MICAL2: variants seen among roughly 807,000 people sequenced by gnomAD.
MICAL2 encodes the protein microtubule associated monooxygenase, calponin and LIM domain containing 2, also known as [F-actin]-monooxygenase MICAL2.
MICAL2 carries 77 observed loss-of-function variants against 127.3 expected under a neutral mutation model. The ratio of observed to expected loss-of-function variants is 0.60; its 90% CI spans 0.50 to 0.73. The LOEUF is 0.73. Ranked by LOEUF, MICAL2 falls within the 30% of genes least tolerant of loss-of-function variation. The pLI is 0.00. For synonymous variants in MICAL2, 570 were observed against 551.1 expected (o/e 1.03, Z -0.48); for missense variants, 1,351 against 1,434.4 (o/e 0.94, Z 0.94).
rs139923322 is a variant in MICAL2 at position 12,257,144 on chromosome 11, G to T, written c.3142+173G>T. On this transcript the variant is annotated intron_variant, in intron 24 of 27. Transcript: ENST00000683283. Reference sequence around the variant, plus strand: ...CTGGGAGCTCCTGCTAGAAGGGGAGGCTGCCTGTGGTCCCAGGGAAGGGGT... The same window carrying T: ...CTGGGAGCTCCTGCTAGAAGGGGAGTCTGCCTGTGGTCCCAGGGAAGGGGT... 1.2e-4 allele frequency: 81 copies of T among 687,308 alleles called. No individual in the cohort carries two copies. In the African/African-American group the frequency reaches 1.3e-3, roughly 11 times the overall value. The allele number at this position is 687,308 out of a possible 1,614,324, so 42.6% of individuals were successfully genotyped here. A position where few individuals can be genotyped will look rare whatever the true frequency, so the allele number is the denominator to read the frequency against.
chr11:12,170,588 C>T (rs1193067503), intron 3 of MICAL2, among the ~76,000 whole-genome samples: 2 of 152,208 alleles, frequency 1.3e-5, no homozygotes, highest in African/African-American at 4.8e-5. Flanking sequence ...CTTTAGGGCC[C>T]TGGCCCATGG....
At chr11:12,254,809 A>G (rs1320425541) in intron 22 of MICAL2, 1 of 146,354 alleles carries the variant, frequency 6.8e-6, no homozygotes, top group Non-Finnish European at 1.5e-5. Context: ...TAACAGTCCC[A>G]TGGCCCACCC....
At chr11:12,334,262 A>G (rs1938704399) in intron 32 of MICAL2, among the ~76,000 whole-genome samples, 1 of 152,130 alleles carries the variant, frequency 6.6e-6, no homozygotes, top group Admixed American at 6.5e-5. Flanking sequence ...CGTATAACCT[A>G]TGCACGTCCT....
intron 5 of MICAL2, 102 bp from the exon 6 acceptor site, chr11:12,209,395 A>T: frequency 3.3e-6 from 3 of 907,302 alleles, no homozygotes; most frequent in Non-Finnish European, 5.5e-6. Flanking sequence ...TGATACACAG[A>T]CCTGGCTGCA....
intron 2 of MICAL2, among the ~76,000 whole-genome samples, chr11:12,148,723 T>A (rs985425911): frequency 1.3e-5 from 2 of 152,140 alleles, no homozygotes; most frequent in African/African-American, 4.8e-5. Context: ...GAACGCACAG[T>A]CAGGTGAGGT....
chr11:12,176,515 C>A (rs1856858523), intron 3 of MICAL2, among the ~76,000 whole-genome samples: 1 of 152,138 alleles, frequency 6.6e-6, no homozygotes, highest in South Asian at 2.1e-4. Flanking sequence ...ACCATTTTAA[C>A]CATCTTTAAG....
chr11:12,130,827 G>C (rs949290271), intron 1 of MICAL2, among the ~76,000 whole-genome samples: 1 of 152,204 alleles, frequency 6.6e-6, no homozygotes, highest in African/African-American at 2.4e-5. Flanking sequence ...CTGCAGAGCA[G>C]CACAGACTGG....
At chr11:12,121,902 A>G (rs1006697923) in intron 1 of MICAL2, among the ~76,000 whole-genome samples, 4 of 152,194 alleles carry the variant, frequency 2.6e-5, no homozygotes, top group African/African-American at 9.7e-5. Flanking sequence ...GTTTAGTGCT[A>G]TTGATGGGAG....
At chr11:12,162,623 A>C (rs553798389) in intron 3 of MICAL2, among the ~76,000 whole-genome samples, 1 of 152,290 alleles carries the variant, frequency 6.6e-6, no homozygotes, top group Admixed American at 6.5e-5. Context: ...TGCCCTCTCC[A>C]AGGGAGGGAA....
intron 16 of MICAL2, 118 bp from the exon 17 acceptor site, chr11:12,239,311 CTTCCTCA>C: frequency 7.4e-7 from 1 of 1,346,044 alleles, no homozygotes; most frequent in Non-Finnish European, 1.1e-6. Flanking sequence ...CTCTGCCTCC[CTTCCTCA>C]GACCATGGAG....
At chr11:12,286,357 T>C (rs1249702826) in intron 2 of MICAL2, among the ~76,000 whole-genome samples, 1 of 152,212 alleles carries the variant, frequency 6.6e-6, no homozygotes, top group African/African-American at 2.4e-5. Flanking sequence ...ATGTATTACA[T>C]ATATGGAACA....
chr11:12,207,842 C>T (rs1216430947), intron 4 of MICAL2, 181 bp from the exon 5 acceptor site: 8 of 580,086 alleles, frequency 1.4e-5, no homozygotes, highest in Non-Finnish European at 2.5e-5. Context: ...TCCAAAGGGC[C>T]ACTGTAAGAG....
downstream of MICAL2, chr11:12,294,332 A>G: frequency 6.2e-7 from 1 of 1,614,214 alleles, no homozygotes; most frequent in East Asian, 2.2e-5. Flanking sequence ...GCAAGAATCC[A>G]AAACTTTGCC....
chr11:12,191,446 C>T (rs1477534400), intron 3 of MICAL2, among the ~76,000 whole-genome samples: 8 of 141,922 alleles, frequency 5.6e-5, no homozygotes, highest in Non-Finnish European at 1.1e-4. Context: ...CACTCCAGCC[C>T]GGGCAGCAGA....
intron 22 of MICAL2, chr11:12,254,367 A>T (rs1375186468): frequency 6.6e-6 from 1 of 152,290 alleles, no homozygotes; most frequent in African/African-American, 2.4e-5. Flanking sequence ...GCCAAGTCTC[A>T]GCACTGGCCC....
Position 12,324,950 on chromosome 11 carries a change from A to G in MICAL2, c.5421+880A>G, listed in dbSNP as rs546209507. 1.8e-4 allele frequency among the ~76,000 whole-genome samples: 28 copies of G among 152,300 alleles called. No individual in the cohort carries two copies. In the South Asian group the frequency reaches 5.6e-3, roughly 30 times the overall value. ...TCCTTCCAAGAACAAGACAAGTCTT[A>G]TGATATTGATTGGCAAACTAGGCAA... is the stretch of plus-strand genomic sequence containing the variant. On this transcript the variant is annotated intron_variant, in intron 31 of 34. Coordinates refer to the MICAL2 transcript ENST00000646065.
chr11:12,223,280 C>A (rs535618738), intron 11 of MICAL2, 131 bp from the exon 12 acceptor site: 18 of 742,432 alleles, frequency 2.4e-5, no homozygotes, highest in Non-Finnish European at 3.6e-5. Context: ...GTTCCCTTGC[C>A]GAAGGTCATG....
In MICAL2 at chr11:12,339,283, C is replaced by T. The variant is rs534631188; in HGVS notation, c.5516-10555C>T. Reference sequence around the variant, plus strand: ...TGCATTTGTCACGTAGTTCTCGTGCCGTGGTTTTCAGCTCCATCAGGTCCT... The same window carrying T: ...TGCATTTGTCACGTAGTTCTCGTGCTGTGGTTTTCAGCTCCATCAGGTCCT... On this transcript the variant is annotated intron_variant, in intron 32 of 34. Transcript: ENST00000646065. 2.8e-3 allele frequency among the ~76,000 whole-genome samples: 430 copies of T among 152,264 alleles called. 2 individuals are homozygous for T. Among genetic ancestry groups the T allele is most frequent in the African/African-American group, 1.0e-2 (415 of 41,546 alleles).
intron 17 of MICAL2, among the ~76,000 whole-genome samples, chr11:12,240,465 T>A (rs913041324): frequency 6.6e-6 from 1 of 152,208 alleles, no homozygotes; most frequent in African/African-American, 2.4e-5. Context: ...TTAGTCTTGA[T>A]GTGGACTGTG....
Sources: gnomAD v4.1 joint callset for allele counts (sites outside exome capture counted in the v4.1 genomes callset) on GRCh38, gnomAD v4.1.1 for gene constraint, MANE v1.5 for transcripts, NCBI Gene and HGNC (gene_info 2026-07-23, HGNC 2026-07-21) for gene names.